The following DYSF variants were observed in gnomAD, a reference collection of about 807,000 sequenced individuals.
The protein encoded by DYSF is dysferlin, also known as dystrophy-associated fer-1-like 1.
In DYSF, 212 loss-of-function variants were observed where a neutral mutation model predicts 274.9. The ratio of observed to expected loss-of-function variants is 0.77; its 90% confidence interval spans 0.69 to 0.86. The LOEUF (loss-of-function observed/expected upper bound fraction) is 0.86, where lower values mean the gene tolerates loss of function less well. Among genes scored for constraint, DYSF ranks in the 40% least tolerant of loss-of-function variants. The pLI is 0.00. For synonymous variants in DYSF, 1,091 were observed against 1,078.7 expected (o/e 1.01, Z -0.22); for missense variants, 2,666 against 2,783.2 (o/e 0.96, Z 0.95).
intron 42 of DYSF, among the ~76,000 whole-genome samples, chr2:71,644,921 A>AC: frequency 6.6e-6 from 1 of 151,296 alleles, no homozygotes; most frequent in South Asian, 2.1e-4. Context: ...GAAACAGGAA[A>AC]AGTTCCCTTA....
intron 45 of DYSF, among the ~76,000 whole-genome samples, chr2:71,663,044 C>CATATTTGTGTGTGTAT (rs1373618587): frequency 2.8e-5 from 1 of 35,342 alleles, no homozygotes; most frequent in African/African-American, 6.2e-5. Context: ...TGTGTGTGCG[C>CATATTTGTGTGTGTAT]GCACGCGCGT....
intron 17 of DYSF, among the ~76,000 whole-genome samples, chr2:71,549,786 C>T (rs184625164): frequency 6.6e-6 from 1 of 152,094 alleles, no homozygotes; most frequent in African/African-American, 2.4e-5. Flanking sequence ...GAGTTGAAAT[C>T]CCCAAGGTAA....
chr2:71,646,939 G>A (rs925321218), intron 42 of DYSF, among the ~76,000 whole-genome samples: 1 of 152,098 alleles, frequency 6.6e-6, no homozygotes, highest in Non-Finnish European at 1.5e-5. Flanking sequence ...AGAATTTAAA[G>A]TGAAGAGCAA....
intron 36 of DYSF, among the ~76,000 whole-genome samples, chr2:71,609,573 C>T (rs564362728): frequency 2.0e-5 from 3 of 152,352 alleles, no homozygotes; most frequent in Admixed American, 1.3e-4. Context: ...TCATTTAATT[C>T]TCGGAGCAGC....
chr2:71,537,899 A>G (rs987043574), intron 16 of DYSF, among the ~76,000 whole-genome samples: 2 of 152,128 alleles, frequency 1.3e-5, no homozygotes, highest in Non-Finnish European at 2.9e-5. Flanking sequence ...GAACTTCCTG[A>G]AGGAGATGGG....
At chr2:71,564,934 A>G (rs912406715) in intron 24 of DYSF, among the ~76,000 whole-genome samples, 9 of 152,148 alleles carry the variant, frequency 5.9e-5, no homozygotes, top group African/African-American at 2.2e-4. Context: ...TGCTGTGGTC[A>G]TGGTGTGGCC....
intron 32 of DYSF, among the ~76,000 whole-genome samples, chr2:71,595,900 C>T (rs1437320312): frequency 6.6e-6 from 1 of 152,192 alleles, no homozygotes; most frequent in Non-Finnish European, 1.5e-5. Flanking sequence ...ATCTGCCTCT[C>T]CCTCCTCTTA....
chr2:71,663,283 G>A (rs950230930), intron 45 of DYSF, among the ~76,000 whole-genome samples: 1 of 152,188 alleles, frequency 6.6e-6, no homozygotes, highest in South Asian at 2.1e-4. Flanking sequence ...AGAGCCCCCC[G>A]TGAGCCCTCC....
At chr2:71,561,984 T>C in intron 23 of DYSF, 40 bp downstream of exon 23, 1 of 1,597,942 alleles carries the variant, frequency 6.3e-7, no homozygotes, top group Non-Finnish European at 8.5e-7. Context: ...TCTGCTCTCC[T>C]GCTGCCTGGA....
chr2:71,455,999 G>A (rs2081046242), intron 1 of DYSF, among the ~76,000 whole-genome samples: 1 of 152,160 alleles, frequency 6.6e-6, no homozygotes, highest in African/African-American at 2.4e-5. Flanking sequence ...CAGAAGTGCA[G>A]GAAGTGCTGC....
At chr2:71,583,912 G>A (rs2092977885) in intron 30 of DYSF, among the ~76,000 whole-genome samples, 1 of 152,210 alleles carries the variant, frequency 6.6e-6, no homozygotes, top group Admixed American at 6.5e-5. Context: ...CTGGGAGGCA[G>A]AGAGTTCCTC....
At chr2:71,677,133 A>G (rs1430278329) in intron 52 of DYSF, among the ~76,000 whole-genome samples, 1 of 152,224 alleles carries the variant, frequency 6.6e-6, no homozygotes, top group Non-Finnish European at 1.5e-5. Flanking sequence ...ATGGATAGAT[A>G]TAGTGCTTAA....
Position 71,520,118 on chromosome 2 carries a change from C to G in DYSF, c.1003-60C>G, listed in dbSNP as rs2087093865. On this transcript the variant is annotated intron_variant, in intron 10 of 55. Coordinates refer to ENST00000410020, the MANE Select transcript of DYSF (RefSeq NM_001130987.2). ...TTTAATGGAATCATATAATGCACCA[C>G]ACTTTATTTAACGCTTTGGCGGCAA... 35 of 1,603,978 alleles carry G rather than the reference C, an allele frequency of 2.2e-5. No individual in the cohort carries two copies. The South Asian group carries it at 3.9e-4, about 18-fold the overall frequency.
intron 42 of DYSF, among the ~76,000 whole-genome samples, chr2:71,653,860 G>T (rs1197508841): frequency 9.9e-6 from 1 of 101,022 alleles, no homozygotes; most frequent in African/African-American, 2.9e-5. Context: ...TTCTGATATG[G>T]CTAAAAATTG....
At chr2:71,543,681 G>A (rs1323018332) in intron 17 of DYSF, among the ~76,000 whole-genome samples, 6 of 152,212 alleles carry the variant, frequency 3.9e-5, no homozygotes, top group Non-Finnish European at 5.9e-5. Flanking sequence ...CCAACACAGC[G>A]AAACCCCATC....
At chr2:71,629,802 G>A (rs553030228) in intron 41 of DYSF, among the ~76,000 whole-genome samples, 1 of 152,192 alleles carries the variant, frequency 6.6e-6, no homozygotes, top group East Asian at 1.9e-4. Context: ...TTACTTGGAG[G>A]GTTTCTCTGG....
At chr2:71,581,142 A>T (rs1455166605) in intron 30 of DYSF, among the ~76,000 whole-genome samples, 2 of 152,196 alleles carry the variant, frequency 1.3e-5, no homozygotes. Flanking sequence ...CGTGGGATGA[A>T]ACCTGCTCCA....
chr2:71,606,742 G>A (rs2152867051), intron 36 of DYSF, among the ~76,000 whole-genome samples: 1 of 152,262 alleles, frequency 6.6e-6, no homozygotes, highest in African/African-American at 2.4e-5. Flanking sequence ...AGCGTCTTGG[G>A]GAGATTTTCT....
At chr2:71,508,345 C>G (rs754109647) in intron 4 of DYSF, among the ~76,000 whole-genome samples, 1 of 152,194 alleles carries the variant, frequency 6.6e-6, no homozygotes, top group Non-Finnish European at 1.5e-5. Flanking sequence ...ACACAGCACT[C>G]TCGTCTAATC....
Sources: allele counts gnomAD v4.1 joint callset (sites outside exome capture counted in the v4.1 genomes callset), GRCh38; gene constraint gnomAD v4.1.1; transcripts MANE v1.5; gene names NCBI Gene and HGNC (gene_info 2026-07-23, HGNC 2026-07-21).